The following UBR3 variants were observed in gnomAD, a reference collection of about 807,000 sequenced individuals.
UBR3 encodes the protein ubiquitin protein ligase E3 component n-recognin 3.
Under a neutral mutation model 243.2 loss-of-function variants are expected in UBR3, and 85 were observed. The observed-to-expected ratio is 0.35, with a 90% CI of 0.29 to 0.42. UBR3 has a LOEUF of 0.42. Ranked by LOEUF, UBR3 falls within the 10% of genes least tolerant of loss-of-function variation. UBR3 has a pLI of 1.00. For missense variants in UBR3, 1,686 were observed against 2,300.8 expected (o/e 0.73, Z 5.47); for synonymous variants, 748 against 799.8 (o/e 0.94, Z 1.09).
chr2:169,907,533 A>G (rs1057367473), intron 10 of UBR3, among the ~76,000 whole-genome samples: 1 of 152,074 alleles, frequency 6.6e-6, no homozygotes, highest in African/African-American at 2.4e-5. Flanking sequence ...TTTTAAAAAT[A>G]TGGATTATTA....
chr2:169,909,533 G>A (rs983269027), intron 10 of UBR3, among the ~76,000 whole-genome samples: 4 of 152,128 alleles, frequency 2.6e-5, no homozygotes, highest in African/African-American at 9.7e-5. Context: ...TTTGACTAAA[G>A]GGTACAAAGT....
chr2:169,865,111 T>C (rs2083214892), intron 1 of UBR3, among the ~76,000 whole-genome samples: 2 of 152,060 alleles, frequency 1.3e-5, no homozygotes, highest in African/African-American at 4.8e-5. Context: ...TTTTTTGTTC[T>C]ACTATTAATT....
At chr2:170,001,622 G>A (rs768077918) in intron 27 of UBR3, among the ~76,000 whole-genome samples, 3 of 152,002 alleles carry the variant, frequency 2.0e-5, no homozygotes, top group Admixed American at 6.6e-5. Context: ...CTAGCCAGAC[G>A]CAGTGGTTCA....
intron 26 of UBR3, 70 bp downstream of exon 26, chr2:169,994,526 T>C: frequency 5.3e-6 from 8 of 1,502,004 alleles, no homozygotes; most frequent in Non-Finnish European, 7.2e-6. Context: ...GAATTTTACA[T>C]GTCTTTTACC....
At chr2:170,047,491 G>T (rs1416894333) in intron 32 of UBR3, among the ~76,000 whole-genome samples, 1 of 152,074 alleles carries the variant, frequency 6.6e-6, no homozygotes, top group Non-Finnish European at 1.5e-5. Context: ...TTATCCTGGG[G>T]ACTCCTGGCC....
intron 23 of UBR3, among the ~76,000 whole-genome samples, chr2:169,950,635 T>C (rs1467766369): frequency 6.6e-6 from 1 of 151,960 alleles, no homozygotes; most frequent in African/African-American, 2.4e-5. Context: ...AAATGGGATT[T>C]TTTTAAAATC....
intron 26 of UBR3, among the ~76,000 whole-genome samples, chr2:169,998,969 A>C (rs901235304): frequency 6.6e-6 from 1 of 152,202 alleles, no homozygotes; most frequent in Admixed American, 6.5e-5. Context: ...GTGACATTTC[A>C]GTGTTAGGCA....
rs139609742 is a variant in UBR3 at position 169,888,109 on chromosome 2, C to CTTTATTTATTTA, written c.1039-3020_1039-3009dup. Among the ~76,000 whole-genome samples, 755 of 138,750 alleles carry CTTTATTTATTTA rather than the reference C, an allele frequency of 5.4e-3. 3 individuals carry two copies. Among genetic ancestry groups the CTTTATTTATTTA allele is most frequent in the African/African-American group, 0.013 (497 of 36,822 alleles). The allele number at this position is 138,750 out of a possible 152,430, so 91.0% of individuals were successfully genotyped here. A position where few individuals can be genotyped will look rare whatever the true frequency, so the allele number is the denominator to read the frequency against. ...TTTTTCTTTTTCATCTGTGTTATGA[C>CTTTATTTATTTA]TTTATTTATTTATTTATTTATTTAT... On this transcript the variant is annotated intron_variant, in intron 5 of 38. Coordinates refer to ENST00000272793, the MANE Select transcript of UBR3 (RefSeq NM_172070.4).
chr2:170,065,433 C>G (rs550408942), intron 35 of UBR3, among the ~76,000 whole-genome samples: 1 of 151,900 alleles, frequency 6.6e-6, no homozygotes, highest in South Asian at 2.1e-4. Flanking sequence ...ATTACAGGTG[C>G]GCACCACCGC....
At chr2:169,987,379 C>CAAG in intron 25 of UBR3, among the ~76,000 whole-genome samples, 1 of 112,388 alleles carries the variant, frequency 8.9e-6, no homozygotes, top group South Asian at 2.9e-4. Flanking sequence ...GGTGACAGAG[C>CAAG]AAGACTCTGT....
chr2:169,864,884 G>A (rs186859480), intron 1 of UBR3, among the ~76,000 whole-genome samples: 245 of 146,852 alleles, frequency 1.7e-3, no homozygotes, highest in African/African-American at 5.8e-3. Flanking sequence ...TCCAGCCCGG[G>A]TGACGGAGCG....
chr2:170,068,476 T>TA (rs969533731), intron 35 of UBR3, among the ~76,000 whole-genome samples: 26 of 151,762 alleles, frequency 1.7e-4, no homozygotes, highest in African/African-American at 1.7e-4. Context: ...TCAAAAAAAT[T>TA]AAAAAATGAA....
At position 170,081,855 on chromosome 2, in the gene UBR3, A is replaced by G; in HGVS notation, c.*12A>G. On this transcript the variant is annotated 3_prime_UTR_variant, in exon 39 of 39. Coordinates refer to ENST00000272793, the MANE Select transcript of UBR3 (RefSeq NM_172070.4). Reference sequence around the variant, plus strand: ...ACAATGGGCTGTGACTCTCCACCTCAGCATTGCATCGTATCATCATTTTCG... The same window carrying G: ...ACAATGGGCTGTGACTCTCCACCTCGGCATTGCATCGTATCATCATTTTCG... 6.7e-7 allele frequency: 1 copy of G among 1,499,716 alleles called. No individual in the cohort carries two copies. The highest frequency in any genetic ancestry group is 9.0e-7 in the Non-Finnish European group (1 of 1,106,558). 92.9% of individuals were successfully genotyped at this position (1,499,716 alleles called of 1,614,324 possible). A position where few individuals can be genotyped will look rare whatever the true frequency, so the allele number is the denominator to read the frequency against.
At chr2:169,871,103 T>G (rs2105309156) in intron 1 of UBR3, among the ~76,000 whole-genome samples, 1 of 152,326 alleles carries the variant, frequency 6.6e-6, no homozygotes, top group Middle Eastern at 3.4e-3. Context: ...TTTAATGTGG[T>G]AATTATGTGT....
intron 30 of UBR3, among the ~76,000 whole-genome samples, chr2:170,025,449 C>G (rs970987139): frequency 3.9e-5 from 6 of 152,038 alleles, no homozygotes; most frequent in Non-Finnish European, 7.4e-5. Context: ...GAGAGAACAG[C>G]TTGCAAAGAC....
At chr2:170,038,382 A>G (rs867982850) in intron 31 of UBR3, among the ~76,000 whole-genome samples, 43 of 152,214 alleles carry the variant, frequency 2.8e-4, no homozygotes, top group Non-Finnish European at 1.2e-4. Flanking sequence ...TCATTCATCC[A>G]TCCCTTTTCC....
intron 24 of UBR3, 55 bp from the exon 25 acceptor site, chr2:169,986,589 AT>A: frequency 6.5e-7 from 1 of 1,535,836 alleles, no homozygotes; most frequent in Non-Finnish European, 8.8e-7. Flanking sequence ...TCACACTTTC[AT>A]TGAAGAGAGA....
At chr2:170,073,690 G>GTCA in intron 36 of UBR3, 83 bp downstream of exon 36, 1 of 1,410,164 alleles carries the variant, frequency 7.1e-7, no homozygotes, top group South Asian at 1.5e-5. Context: ...TAAATTTTAG[G>GTCA]TCATCTGTTT....
chr2:169,832,297 T>A (rs1426662974), intron 1 of UBR3, among the ~76,000 whole-genome samples: 1 of 152,160 alleles, frequency 6.6e-6, no homozygotes. Flanking sequence ...ACGCCTGCAA[T>A]CCCAGCACTT....
Sources: allele counts gnomAD v4.1 joint callset (sites outside exome capture counted in the v4.1 genomes callset), GRCh38; gene constraint gnomAD v4.1.1; transcripts MANE v1.5; gene names NCBI Gene and HGNC (gene_info 2026-07-23, HGNC 2026-07-21).